Variants in OTUD7A observed in about 807,000 individuals in gnomAD.
OTUD7A encodes the protein OTU deubiquitinase 7A.
OTUD7A carries 12 observed loss-of-function variants against 65.7 expected under a neutral mutation model. That is an observed-to-expected ratio of 0.18 (90% CI 0.12 to 0.30). The LOEUF (loss-of-function observed/expected upper bound fraction) is 0.30. Among genes scored for constraint, OTUD7A ranks in the 10% least tolerant of loss-of-function variants. The pLI, the probability that OTUD7A is intolerant of heterozygous loss-of-function variation, is 1.00. For synonymous variants in OTUD7A, 641 were observed against 586.3 expected (o/e 1.09, Z -1.35); for missense variants, 1,148 against 1,304.8 (o/e 0.88, Z 1.85).
intron 1 of OTUD7A, among the ~76,000 whole-genome samples, chr15:31,859,076 A>T (rs1897652946): frequency 1.3e-5 from 2 of 152,268 alleles, no homozygotes; most frequent in African/African-American, 4.8e-5. Context: ...ATAAAACTGC[A>T]AAGACATGAT....
At chr15:31,511,994 A>C (rs1461204873) in intron 8 of OTUD7A, among the ~76,000 whole-genome samples, 1 of 152,128 alleles carries the variant, frequency 6.6e-6, no homozygotes, top group Non-Finnish European at 1.5e-5. Flanking sequence ...ATCCTGGCTA[A>C]GAAATATTTT....
intron 1 of OTUD7A, among the ~76,000 whole-genome samples, chr15:31,753,452 T>C (rs1894694607): frequency 6.6e-6 from 1 of 151,328 alleles, no homozygotes; most frequent in Admixed American, 6.6e-5. Flanking sequence ...CTTCACCCCC[T>C]TCCCACTCTT....
At chr15:31,565,881 A>C (rs909054742) in intron 4 of OTUD7A, among the ~76,000 whole-genome samples, 13 of 152,228 alleles carry the variant, frequency 8.5e-5, no homozygotes, top group Non-Finnish European at 1.5e-4. Flanking sequence ...CAAAGAACAA[A>C]ATTTAAATTA....
intron 1 of OTUD7A, among the ~76,000 whole-genome samples, chr15:31,856,186 T>A (rs1428236435): frequency 6.6e-6 from 1 of 152,238 alleles, no homozygotes; most frequent in Non-Finnish European, 1.5e-5. Context: ...GCATGTATTG[T>A]AGACTAAAAA....
intron 1 of OTUD7A, among the ~76,000 whole-genome samples, chr15:31,856,193 A>C (rs1314264443): frequency 2.0e-5 from 3 of 152,236 alleles, no homozygotes; most frequent in African/African-American, 4.8e-5. Context: ...TTGTAGACTA[A>C]AAATGTAATA....
At chr15:31,863,269 G>A (rs139395291) in intron 1 of OTUD7A, among the ~76,000 whole-genome samples, 3 of 152,278 alleles carry the variant, frequency 2.0e-5, no homozygotes, top group African/African-American at 7.2e-5. Flanking sequence ...CCATTCTGTG[G>A]TCTGGAAGAT....
At chr15:31,569,997 G>C (rs1311429334) in intron 4 of OTUD7A, 21 bp downstream of exon 4, 1 of 1,612,370 alleles carries the variant, frequency 6.2e-7, no homozygotes, top group African/African-American at 1.3e-5. Context: ...GCTGTGCCTA[G>C]GCTCAGTCCC....
At position 31,558,704 on chromosome 15, in the gene OTUD7A, C is replaced by A; in HGVS notation, c.550+265G>T. ...CAAGGCAAAGAAGCATAGAGTTCTC[C>A]TTAAAGGAGGACTGGGATTTAGGAG... is the stretch of plus-strand genomic sequence containing the variant. On this transcript the variant is annotated intron_variant, in intron 5 of 12. Coordinates refer to ENST00000307050, the MANE Select transcript of OTUD7A (RefSeq NM_001382637.1). 5.4e-6 allele frequency: 3 copies of A among 559,412 alleles called. No homozygotes were observed. The South Asian group carries it at 7.1e-5, about 13-fold the overall frequency. 34.7% of individuals were successfully genotyped at this position (559,412 alleles called of 1,614,324 possible).
chr15:31,729,302 C>T (rs1893977510), intron 1 of OTUD7A, among the ~76,000 whole-genome samples: 1 of 152,142 alleles, frequency 6.6e-6, no homozygotes, highest in African/African-American at 2.4e-5. Context: ...AAGTTTATAA[C>T]CATGATACCC....
chr15:31,527,387 C>G, intron 6 of OTUD7A, 79 bp from the exon 7 acceptor site: 1 of 1,536,048 alleles, frequency 6.5e-7, no homozygotes, highest in South Asian at 1.3e-5. Flanking sequence ...CAAACTACCA[C>G]GACCCACTGG....
Position 31,496,798 on chromosome 15 carries a change from G to A in OTUD7A, c.1171+4892C>T, listed in dbSNP as rs190259087. Among the ~76,000 whole-genome samples, 434 of 152,254 alleles carry A rather than the reference G, an allele frequency of 2.9e-3. 4 individuals are homozygous for A. The highest frequency in any genetic ancestry group is 0.01 in the African/African-American group (416 of 41,542). On this transcript the variant is annotated intron_variant, in intron 10 of 12. Coordinates refer to ENST00000307050, the MANE Select transcript of OTUD7A (RefSeq NM_001382637.1). ...GGAAGGCTGCTTCCATGGCCCGGTGGGTAGAAGTACTCTGTTTGGCTCCCA... is the reference window on the plus strand; with the variant it reads ...GGAAGGCTGCTTCCATGGCCCGGTGAGTAGAAGTACTCTGTTTGGCTCCCA...
At chr15:31,537,999 T>C (rs1352534408) in intron 5 of OTUD7A, among the ~76,000 whole-genome samples, 1 of 152,200 alleles carries the variant, frequency 6.6e-6, no homozygotes, top group Non-Finnish European at 1.5e-5. Context: ...CAGGCAAGCC[T>C]CCTTGCCTGC....
intron 1 of OTUD7A, among the ~76,000 whole-genome samples, chr15:31,735,758 C>T (rs567439795): frequency 3.3e-5 from 5 of 152,204 alleles, no homozygotes; most frequent in Admixed American, 2.0e-4. Flanking sequence ...GGCACATGCA[C>T]CTATATGTTC....
At chr15:31,735,852 C>T (rs962421437) in intron 1 of OTUD7A, among the ~76,000 whole-genome samples, 1 of 152,142 alleles carries the variant, frequency 6.6e-6, no homozygotes, top group African/African-American at 2.4e-5. Flanking sequence ...AAATGTGGTA[C>T]ATAAACATCA....
intron 3 of OTUD7A, among the ~76,000 whole-genome samples, chr15:31,577,624 G>C (rs1889241864): frequency 1.3e-5 from 2 of 152,048 alleles, no homozygotes; most frequent in African/African-American, 4.8e-5. Flanking sequence ...CTTGTTCTCA[G>C]GATCTCTTAA....
chr15:31,717,757 G>T (rs191639211), intron 1 of OTUD7A, among the ~76,000 whole-genome samples: 91 of 152,304 alleles, frequency 6.0e-4, no homozygotes, highest in African/African-American at 2.1e-3. Context: ...TATATACCCA[G>T]TAATGGGATT....
intron 1 of OTUD7A, among the ~76,000 whole-genome samples, chr15:31,855,762 C>G (rs1595817429): frequency 6.6e-6 from 1 of 152,212 alleles, no homozygotes; most frequent in East Asian, 1.9e-4. Flanking sequence ...CCTGAGTGAG[C>G]AGATGCCAAC....
rs1159822410 is a variant in OTUD7A at position 31,610,591 on chromosome 15, AATTATATATAT to A, written c.152-40405_152-40395del. The stretch of plus-strand genomic sequence containing the variant: ...GCCTCAATAAATTTAAGAAAAATGA[AATTATATATAT>A]ATATATATATATATATTTTTTTTTT... On this transcript the variant is annotated intron_variant, in intron 3 of 12. Coordinates refer to ENST00000307050, the MANE Select transcript of OTUD7A (RefSeq NM_001382637.1). 9.4e-4 allele frequency among the ~76,000 whole-genome samples: 104 copies of A among 110,422 alleles called. 3 individuals carry two copies. The highest frequency in any genetic ancestry group is 1.3e-3 in the Non-Finnish European group (76 of 56,752). The allele number at this position is 110,422 out of a possible 152,430, so 72.4% of individuals were successfully genotyped here.
intron 10 of OTUD7A, among the ~76,000 whole-genome samples, chr15:31,489,327 T>TAAAATCAAGCAAATTCAGG (rs1170735317): frequency 6.6e-6 from 1 of 152,248 alleles, no homozygotes; most frequent in African/African-American, 2.4e-5. Flanking sequence ...CTGTGGCTTT[T>TAAAATCAAGCAAATTCAGG]AAAATCAAGC....
Sources: gnomAD v4.1 joint callset for allele counts (sites outside exome capture counted in the v4.1 genomes callset) on GRCh38, gnomAD v4.1.1 for gene constraint, MANE v1.5 for transcripts, NCBI Gene and HGNC (gene_info 2026-07-23, HGNC 2026-07-21) for gene names.